Variants in RPTOR observed in about 807,000 individuals in gnomAD.
RPTOR encodes the protein regulatory associated protein of MTOR complex 1, also known as regulatory-associated protein of mTOR.
RPTOR carries 21 observed loss-of-function variants against 169.9 expected under a neutral mutation model. The ratio of observed to expected loss-of-function variants is 0.12; its 90% CI spans 0.09 to 0.18. The LOEUF is 0.18. Ranked by LOEUF, RPTOR falls within the 10% of genes least tolerant of loss-of-function variation. The probability of loss-of-function intolerance (pLI) is 1.00; values close to 1 mark genes in which losing one functional copy is unlikely to be tolerated. For synonymous variants in RPTOR, 732 were observed against 753.2 expected (o/e 0.97, Z 0.46); for missense variants, 1,133 against 1,855.9 (o/e 0.61, Z 7.16).
intron 4 of RPTOR, among the ~76,000 whole-genome samples, chr17:80,712,152 A>G (rs747071934): frequency 3.3e-5 from 5 of 152,040 alleles, no homozygotes; most frequent in Non-Finnish European, 7.4e-5. Context: ...ATTTTCCTCT[A>G]TTGTTAATAT....
chr17:80,949,408 G>C, intron 27 of RPTOR, 35 bp from the exon 28 acceptor site: 2 of 1,556,962 alleles, frequency 1.3e-6, no homozygotes, highest in Non-Finnish European at 1.8e-6. Flanking sequence ...CCATCGAGGG[G>C]CCTGGTTCAC....
chr17:80,796,852 C>T (rs575082420), intron 7 of RPTOR, among the ~76,000 whole-genome samples: 14 of 152,296 alleles, frequency 9.2e-5, no homozygotes, highest in African/African-American at 2.4e-4. Flanking sequence ...GGTTAAATTG[C>T]GGGTGGCTGA....
chr17:80,705,271 A>G (rs901407265), intron 3 of RPTOR, among the ~76,000 whole-genome samples: 53 of 152,372 alleles, frequency 3.5e-4, no homozygotes, highest in African/African-American at 1.2e-3. Context: ...TTCGAGCAGC[A>G]TTCTGGTTCT....
chr17:80,708,882 C>T lies in RPTOR; in HGVS notation c.507+883C>T, dbSNP rs1240132058. On this transcript the variant is annotated intron_variant, in intron 4 of 33. Transcript: ENST00000306801. The surrounding 1 kb of genome is among the most constrained non-coding windows in gnomAD (Gnocchi z 4.2). Reference sequence around the variant, plus strand: ...AATCCGAGTCCCAGTTTCGGTTGTGCTGTCAGCCTCCTGGGCTTCTGCTTC... The same window carrying T: ...AATCCGAGTCCCAGTTTCGGTTGTGTTGTCAGCCTCCTGGGCTTCTGCTTC... 2 of 970,884 alleles carry T rather than the reference C, an allele frequency of 2.1e-6. No individual in the cohort carries two copies. The highest frequency in any genetic ancestry group is 3.5e-5 in the African/African-American group (2 of 56,954). The allele number at this position is 970,884 out of a possible 1,614,324, so 60.1% of individuals were successfully genotyped here. A position where few individuals can be genotyped will look rare whatever the true frequency, so the allele number is the denominator to read the frequency against.
In RPTOR at chr17:80,659,337, CT is replaced by C. The variant is rs2065703524; in HGVS notation, c.348+15534del. ...ATACCTTAGCCAGTTTCTGTGGCTG[CT>C]TTTTTTCTTTTGAAACAGGCTCTCG... On this transcript the variant is annotated intron_variant, in intron 3 of 33. Coordinates refer to ENST00000306801, the MANE Select transcript of RPTOR (RefSeq NM_020761.3). This position sits in a 1 kb window ranked among gnomAD's most constrained non-coding sequence, Gnocchi z 4.3. Among the ~76,000 whole-genome samples the C allele has an allele frequency of 6.6e-6, 1 of 152,000 alleles. No individual in the cohort carries two copies. Among genetic ancestry groups the C allele is most frequent in the Non-Finnish European group, 1.5e-5 (1 of 67,998 alleles).
At chr17:80,720,275 C>A (rs1471203488) in intron 4 of RPTOR, among the ~76,000 whole-genome samples, 1 of 149,650 alleles carries the variant, frequency 6.7e-6, no homozygotes, top group Non-Finnish European at 1.5e-5. Flanking sequence ...CCAGCCTGGA[C>A]AACAAGAGAG....
At chr17:80,838,030 C>A in intron 10 of RPTOR, 33 bp downstream of exon 10, 1 of 1,566,766 alleles carries the variant, frequency 6.4e-7, no homozygotes, top group Non-Finnish European at 8.7e-7. Flanking sequence ...TGTGCATCCG[C>A]GGCGGCAGCC....
At position 80,959,544 on chromosome 17, in the gene RPTOR, C is replaced by T. The variant is rs966899575; in HGVS notation, c.3478-534C>T. 6.6e-6 allele frequency among the ~76,000 whole-genome samples: 1 copy of T among 152,224 alleles called. No individual in the cohort carries two copies. Among genetic ancestry groups the T allele is most frequent in the Non-Finnish European group, 1.5e-5 (1 of 68,038 alleles). On this transcript the variant is annotated intron_variant, in intron 29 of 33. Coordinates refer to ENST00000306801, the MANE Select transcript of RPTOR (RefSeq NM_020761.3). The surrounding 1 kb of genome is among the most constrained non-coding windows in gnomAD (Gnocchi z 6.7). The stretch of plus-strand genomic sequence containing the variant: ...TCGTGGCCCTTTTCCTCCTGCGTCC[C>T]TGGCAGGTGCCATCGCCCCCGCCCC...
chr17:80,582,136 A>G (rs2065019899), intron 1 of RPTOR, among the ~76,000 whole-genome samples: 1 of 152,176 alleles, frequency 6.6e-6, no homozygotes, highest in Non-Finnish European at 1.5e-5. Flanking sequence ...GAGGAACTAA[A>G]TGACCCCTCT....
Position 80,947,456 on chromosome 17 carries a change from C to T in RPTOR, c.3265+105C>T, listed in dbSNP as rs979726446. ...TTTGTACATCTGTCTTACAGAAAGCCCTGCTCACACGCGAGGGCCACTGTC... is the reference window on the plus strand; with the variant it reads ...TTTGTACATCTGTCTTACAGAAAGCTCTGCTCACACGCGAGGGCCACTGTC... On this transcript the variant is annotated intron_variant, in intron 27 of 33. Transcript: ENST00000306801. This position sits in a 1 kb window ranked among gnomAD's most constrained non-coding sequence, Gnocchi z 4.4. The T allele has an allele frequency of 3.6e-6, 5 of 1,375,586 alleles. No individual in the cohort carries two copies. Among genetic ancestry groups the T allele is most frequent in the Non-Finnish European group, 4.7e-6 (5 of 1,056,482 alleles). The allele number at this position is 1,375,586 out of a possible 1,614,324, so 85.2% of individuals were successfully genotyped here. A position where few individuals can be genotyped will look rare whatever the true frequency, so the allele number is the denominator to read the frequency against.
At chr17:80,864,485 T>A (rs939085200) in intron 13 of RPTOR, among the ~76,000 whole-genome samples, 1 of 152,106 alleles carries the variant, frequency 6.6e-6, no homozygotes, top group Admixed American at 6.6e-5. Flanking sequence ...ACAGCATCTT[T>A]AAAGCAGAGA....
At chr17:80,747,023 G>A (rs1056534420) in intron 5 of RPTOR, among the ~76,000 whole-genome samples, 11 of 152,130 alleles carry the variant, frequency 7.2e-5, no homozygotes, top group African/African-American at 2.7e-4. Context: ...TTCGAGACCA[G>A]CCTGGCCAAC....
chr17:80,618,455 A>C (rs2065329613), intron 1 of RPTOR, among the ~76,000 whole-genome samples: 1 of 152,246 alleles, frequency 6.6e-6, no homozygotes, highest in Non-Finnish European at 1.5e-5. Flanking sequence ...AACTAAACTC[A>C]TACCAAGTCC....
intron 1 of RPTOR, among the ~76,000 whole-genome samples, chr17:80,574,827 A>ATT (rs555426915): frequency 0.1 from 12,606 of 121,328 alleles, 1,424 homozygotes; most frequent in East Asian, 0.26. Context: ...AGCTTATTTA[A>ATT]TTTTTTTTTT....
chr17:80,928,211 T>C (rs2068835493), intron 24 of RPTOR, among the ~76,000 whole-genome samples: 1 of 152,080 alleles, frequency 6.6e-6, no homozygotes, highest in South Asian at 2.1e-4. Context: ...TTTCCAAACT[T>C]CAGAAGAGGA....
At chr17:80,908,094 GCACCGACGAATCCT>G (rs1482501389) in intron 20 of RPTOR, among the ~76,000 whole-genome samples, 1 of 151,296 alleles carries the variant, frequency 6.6e-6, no homozygotes, top group Non-Finnish European at 1.5e-5. Flanking sequence ...CCGAGCAGCC[GCACCGACGAATCCT>G]CACCGACGAA....
rs1371667192 is a variant in RPTOR at position 80,634,507 on chromosome 17, CTGTGTG to C, written c.265+8721_265+8726del. 1.1e-3 allele frequency among the ~76,000 whole-genome samples: 119 copies of C among 107,008 alleles called. 1 individual carries two copies. The highest frequency in any genetic ancestry group is 4.8e-3 in the African/African-American group (112 of 23,454). 70.2% of individuals were successfully genotyped at this position (107,008 alleles called of 152,430 possible). A position where few individuals can be genotyped will look rare whatever the true frequency, so the allele number is the denominator to read the frequency against. On this transcript the variant is annotated intron_variant, in intron 2 of 33. Transcript: ENST00000306801. ...TGTGTGCATACTGTGTGTGTGCATA[CTGTGTG>C]TGTGTGCGTACTGTGTGCATGTGCG...
chr17:80,636,076 A>G (rs2065503833), intron 2 of RPTOR, among the ~76,000 whole-genome samples: 1 of 152,202 alleles, frequency 6.6e-6, no homozygotes, highest in African/African-American at 2.4e-5. Flanking sequence ...GTGTTAATCA[A>G]GACTCCAGCT....
chr17:80,688,377 C>T (rs7501674), intron 3 of RPTOR, among the ~76,000 whole-genome samples: 26,748 of 152,122 alleles, frequency 0.18, 3,761 homozygotes, highest in African/African-American at 0.39. Context: ...TGTGTGTGTC[C>T]AAAGTTCATC....
Sources: allele counts gnomAD v4.1 joint callset (sites outside exome capture counted in the v4.1 genomes callset), GRCh38; gene constraint gnomAD v4.1.1; non-coding constraint Gnocchi (gnomAD v3.1); transcripts MANE v1.5; gene names NCBI Gene and HGNC (gene_info 2026-07-23, HGNC 2026-07-21).